The following DGKB variants were observed in gnomAD, a reference collection of about 807,000 sequenced individuals.
The protein encoded by DGKB is 90 kDa diacylglycerol kinase.
DGKB carries 67 observed loss-of-function variants against 114.3 expected under a neutral mutation model. The observed-to-expected ratio is 0.59, with a 90% CI of 0.48 to 0.72. The LOEUF (loss-of-function observed/expected upper bound fraction) is 0.72, where lower values mean the gene tolerates loss of function less well. Among genes scored for constraint, DGKB ranks in the 30% least tolerant of loss-of-function variants. The pLI is 0.00. For synonymous variants in DGKB, 398 were observed against 323.1 expected, an observed-to-expected ratio of 1.23 and a Z score of -2.49; for missense variants, 907 against 975.2, an observed-to-expected ratio of 0.93 and a Z score of 0.93.
At chr7:14,658,107 C>T (rs561314822) in intron 13 of DGKB, among the ~76,000 whole-genome samples, 2 of 151,906 alleles carry the variant, frequency 1.3e-5, no homozygotes, top group Admixed American at 6.6e-5. Flanking sequence ...CAAGCAAGAT[C>T]GGAAGAAGAG....
intron 25 of DGKB, chr7:14,176,438 C>G: frequency 1.0e-6 from 1 of 987,504 alleles, no homozygotes; most frequent in Non-Finnish European, 1.2e-6. Flanking sequence ...CATAGAAAAG[C>G]TGAGAAATAA....
chr7:14,688,655 T>C (rs1281718481), intron 9 of DGKB, among the ~76,000 whole-genome samples: 1 of 152,208 alleles, frequency 6.6e-6, no homozygotes, highest in African/African-American at 2.4e-5. Context: ...TTATGACAGA[T>C]AAATGCTTAA....
intron 23 of DGKB, among the ~76,000 whole-genome samples, chr7:14,299,521 A>C (rs969690): frequency 6.6e-6 from 1 of 151,892 alleles, no homozygotes; most frequent in Non-Finnish European, 1.5e-5. Flanking sequence ...AAATTAACTT[A>C]ACACTACAAA....
rs6973905 is a variant in DGKB, at chr7:14,163,989, C to G, written c.2304+12850G>C. ...CTGCCTGGGCAACAGCAGAGAAACT[C>G]CATCTCAAAAACAAAAAACAAACAA... On this transcript the variant is annotated intron_variant, in intron 25 of 25. Coordinates refer to ENST00000402815, the MANE Select transcript of DGKB (RefSeq NM_001350709.2). Among the ~76,000 whole-genome samples, 1,285 of 151,182 alleles carry G rather than the reference C, an allele frequency of 8.5e-3. 16 individuals are homozygous for G. The highest frequency in any genetic ancestry group is 0.03 in the African/African-American group (1,223 of 40,930).
At chr7:14,938,960 G>C (rs1299183421) in intron 1 of DGKB, among the ~76,000 whole-genome samples, 1 of 152,136 alleles carries the variant, frequency 6.6e-6, no homozygotes, top group Non-Finnish European at 1.5e-5. Flanking sequence ...TAATCACAGT[G>C]ACCACCTAAC....
chr7:14,357,253 G>A (rs1380055147), intron 21 of DGKB, among the ~76,000 whole-genome samples: 5 of 152,120 alleles, frequency 3.3e-5, no homozygotes, highest in Non-Finnish European at 5.9e-5. Context: ...GGGTCTCTAA[G>A]GACTTGCTTT....
At chr7:14,938,423 T>G (rs559534226) in intron 1 of DGKB, among the ~76,000 whole-genome samples, 2 of 152,252 alleles carry the variant, frequency 1.3e-5, no homozygotes, top group South Asian at 4.1e-4. Context: ...TTAACTAAAA[T>G]AAATAAAGAA....
intron 2 of DGKB, among the ~76,000 whole-genome samples, chr7:14,779,212 G>T (rs1340791027): frequency 6.6e-6 from 1 of 152,114 alleles, no homozygotes; most frequent in Non-Finnish European, 1.5e-5. Flanking sequence ...ACACATAGTT[G>T]CCCTGTTTTA....
chr7:14,598,783 T>C (rs1189868294), intron 17 of DGKB, among the ~76,000 whole-genome samples: 4 of 152,198 alleles, frequency 2.6e-5, no homozygotes, highest in Admixed American at 6.5e-5. Context: ...TGAGGAAGTA[T>C]ATTCAAGCCA....
intron 2 of DGKB, among the ~76,000 whole-genome samples, chr7:14,795,852 T>C (rs75164731): frequency 0.019 from 2,905 of 152,276 alleles, 34 homozygotes; most frequent in Middle Eastern, 0.037. Context: ...AGGGGTCTTT[T>C]AAAAGTTTAT....
chr7:14,485,903 A>C (rs1783732101), intron 20 of DGKB, among the ~76,000 whole-genome samples: 1 of 151,866 alleles, frequency 6.6e-6, no homozygotes, highest in South Asian at 2.1e-4. Flanking sequence ...AAAAAAAAAA[A>C]AAAATAGGGA....
chr7:14,421,211 T>C (rs1276286947), intron 21 of DGKB, among the ~76,000 whole-genome samples: 4 of 152,168 alleles, frequency 2.6e-5, no homozygotes, highest in African/African-American at 9.6e-5. Flanking sequence ...CTGTAGAGGG[T>C]ATTTTCACCT....
chr7:14,314,511 C>T (rs1372235669), intron 23 of DGKB, among the ~76,000 whole-genome samples: 1 of 151,864 alleles, frequency 6.6e-6, no homozygotes, highest in Non-Finnish European at 1.5e-5. Context: ...CCGATGTGAT[C>T]AACTGGAAGA....
intron 1 of DGKB, among the ~76,000 whole-genome samples, chr7:14,920,540 G>A (rs755287850): frequency 7.2e-5 from 11 of 152,176 alleles, no homozygotes; most frequent in Non-Finnish European, 1.3e-4. Flanking sequence ...TTCATTCATT[G>A]CTAGTGGGAA....
chr7:14,177,900 T>C (rs1782023768), intron 24 of DGKB, 131 bp downstream of exon 24: 1 of 902,924 alleles, frequency 1.1e-6, no homozygotes. Flanking sequence ...TATTTTGAAA[T>C]ATATTAGTAT....
chr7:14,279,684 C>A (rs536927591), intron 23 of DGKB, among the ~76,000 whole-genome samples: 19 of 152,242 alleles, frequency 1.2e-4, no homozygotes, highest in Admixed American at 4.6e-4. Context: ...ACTGCCTCCT[C>A]AAGTGGGTCC....
chr7:14,515,177 T>C (rs1026849080), intron 20 of DGKB, among the ~76,000 whole-genome samples: 1 of 152,142 alleles, frequency 6.6e-6, no homozygotes, highest in Admixed American at 6.5e-5. Flanking sequence ...GATTAACAAA[T>C]ATCAAAATCA....
At chr7:14,716,511 A>G (rs916899714) in intron 6 of DGKB, among the ~76,000 whole-genome samples, 1 of 152,276 alleles carries the variant, frequency 6.6e-6, no homozygotes, top group African/African-American at 2.4e-5. Flanking sequence ...TCTGGTCTAT[A>G]TTGTATTTAG....
At chr7:14,495,754 T>C (rs1009554849) in intron 20 of DGKB, among the ~76,000 whole-genome samples, 7 of 151,810 alleles carry the variant, frequency 4.6e-5, no homozygotes, top group Non-Finnish European at 1.0e-4. Flanking sequence ...TCAAAACAAC[T>C]ATTCAAAATC....
Sources: allele counts gnomAD v4.1 joint callset (sites outside exome capture counted in the v4.1 genomes callset), GRCh38; gene constraint gnomAD v4.1.1; transcripts MANE v1.5; gene names NCBI Gene and HGNC (gene_info 2026-07-23, HGNC 2026-07-21).